The following TAFA3 variants were observed in gnomAD, a reference collection of about 807,000 sequenced individuals.
The protein encoded by TAFA3 is chemokine-like protein TAFA-3.
TAFA3 carries 17 observed loss-of-function variants against 20.7 expected under a neutral mutation model. The ratio of observed to expected loss-of-function variants is 0.82; its 90% CI spans 0.56 to 1.23. TAFA3 has a LOEUF of 1.23. Ranked by LOEUF, TAFA3 falls within the 50% of genes most tolerant of loss-of-function variation. The pLI is 0.00. For synonymous variants in TAFA3, 74 were observed against 71.8 expected (o/e 1.03, Z -0.16); for missense variants, 174 against 172.8 (o/e 1.01, Z -0.04).
rs918696700 is a variant in TAFA3 at position 112,725,057 on chromosome 1, TA to T, written c.390+928del. Among the ~76,000 whole-genome samples, 315 of 151,908 alleles carry T rather than the reference TA, an allele frequency of 2.1e-3. 2 individuals carry two copies. Among genetic ancestry groups the T allele is most frequent in the African/African-American group, 7.0e-3 (289 of 41,416 alleles). On this transcript the variant is annotated intron_variant, in intron 5 of 5. Coordinates refer to ENST00000361886, the MANE Select transcript of TAFA3 (RefSeq NM_182759.3). ...TATACCATAGAATACTACACAGCCA[TA>T]AAAAAAATAATGTTTTCTGTAACAC... is the stretch of plus-strand genomic sequence containing the variant.
chr1:112,725,639 G>T (rs1389742299), intron 5 of TAFA3, among the ~76,000 whole-genome samples: 1 of 150,158 alleles, frequency 6.7e-6, no homozygotes, highest in Admixed American at 6.7e-5. Flanking sequence ...TTATTTTCAT[G>T]GTTTGCTGCC....
At chr1:112,721,764 ACAGACTC>A (rs1675334928) in intron 2 of TAFA3, among the ~76,000 whole-genome samples, 1 of 152,222 alleles carries the variant, frequency 6.6e-6, no homozygotes, top group Admixed American at 6.5e-5. Context: ...CTGCATTTGT[ACAGACTC>A]TTTACGATGT....
At chr1:112,721,449 G>A (rs796573053) in intron 2 of TAFA3, among the ~76,000 whole-genome samples, 2 of 152,150 alleles carry the variant, frequency 1.3e-5, no homozygotes, top group South Asian at 4.1e-4. Flanking sequence ...GAGTAGCTGG[G>A]ACTATAGGTG....
rs1294022150 is a variant in TAFA3, at chr1:112,722,356, G to A, written c.115+8G>A. 5.0e-6 allele frequency: 8 copies of A among 1,610,940 alleles called. No homozygotes were observed. The highest frequency in any genetic ancestry group is 1.3e-5 in the African/African-American group (1 of 74,902). ...AGCCTCCCACTGCCACAGGTTTGGA[G>A]GAGGTGGCAGGGCCCGGGGAGGGAG... On this transcript the variant is annotated splice_region_variant and intron_variant, in intron 3 of 5. Coordinates refer to ENST00000361886, the MANE Select transcript of TAFA3 (RefSeq NM_182759.3).
intron 5 of TAFA3, among the ~76,000 whole-genome samples, chr1:112,724,743 C>A (rs1675419473): frequency 7.1e-6 from 1 of 140,376 alleles, no homozygotes; most frequent in Non-Finnish European, 1.5e-5. Context: ...ATGTAACTAA[C>A]CTGCACAATG....
At chr1:112,719,656 T>TAGGCA (rs1416159006) in intron 1 of TAFA3, among the ~76,000 whole-genome samples, 1 of 151,910 alleles carries the variant, frequency 6.6e-6, no homozygotes, top group Non-Finnish European at 1.5e-5. Context: ...CTAGGAGAGA[T>TAGGCA]GCCTGAGTTG....
At chr1:112,726,595 C>G (rs776828362) in intron 5 of TAFA3, 34 bp from the exon 6 acceptor site, 3 of 1,612,402 alleles carry the variant, frequency 1.9e-6, no homozygotes, top group Non-Finnish European at 2.5e-6. Flanking sequence ...TAGGCATTCC[C>G]TTCTCTAACC....
chr1:112,723,057 C>G lies in TAFA3; in HGVS notation c.157C>G (p.Arg53Gly), dbSNP rs755592073. The G allele has an allele frequency of 1.9e-6, 3 of 1,612,978 alleles. No individual in the cohort carries two copies. Among genetic ancestry groups the G allele is most frequent in the Non-Finnish European group, 8.5e-7 (1 of 1,179,644 alleles). The change falls in exon 4 of 6, where the codon CGC (arginine) becomes GGC (glycine). Residue 53 changes from arginine (R) to glycine (G), a missense_variant. Coordinates refer to ENST00000361886, the MANE Select transcript of TAFA3 (RefSeq NM_182759.3). ...CACCTGCGAGGTGATTGCGGCTCAC[C>G]GCTGCTGCAACCGGAACCGCATCGA... ...QGTCEVIAAH[R>G]CCNRNRIEER... is the part of the protein sequence containing the mutation.
intron 5 of TAFA3, 25 bp downstream of exon 5, chr1:112,724,162 C>A: frequency 6.4e-7 from 1 of 1,553,998 alleles, no homozygotes; most frequent in Non-Finnish European, 8.7e-7. Flanking sequence ...CACCTCATCC[C>A]ACCCTCCCCT....
At position 112,722,289 on chromosome 1, in the gene TAFA3, G is replaced by T. The variant is rs1675347607; in HGVS notation, c.56G>T (p.Cys19Phe). ...ACGGGCGGCTGGCTGCTGGCACTGT[G>T]CCTGGCCTGGCTGTGGACCCACCTG... ...WSTGGWLLAL[C>F]LAWLWTHLTL... The change falls in exon 3 of 6, where the codon TGC becomes TTC. Residue 19 changes from cysteine (C) to phenylalanine (F), a missense_variant. Coordinates refer to ENST00000361886, the MANE Select transcript of TAFA3 (RefSeq NM_182759.3). 1 of 1,613,916 alleles carries T rather than the reference G, an allele frequency of 6.2e-7. No homozygotes were observed.
rs1675374256 is a variant in TAFA3 at position 112,723,242 on chromosome 1, G to A, written c.265+77G>A. The A allele has an allele frequency of 1.4e-5, 21 of 1,500,842 alleles. 1 individual carries two copies. The South Asian group carries it at 2.6e-4, about 18-fold the overall frequency. The allele number at this position is 1,500,842 out of a possible 1,614,324, so 93.0% of individuals were successfully genotyped here. ...GCCTGTTCAGGCCTCGCCATCTGCT[G>A]GGGATACAATTTCATACCCGTCTCA... On this transcript the variant is annotated intron_variant, in intron 4 of 5. Coordinates refer to ENST00000361886, the MANE Select transcript of TAFA3 (RefSeq NM_182759.3).
At position 112,723,032 on chromosome 1, in the gene TAFA3, C is replaced by T. The variant is rs762563255; in HGVS notation, c.132C>T (p.Gly44=). 20 of 1,612,216 alleles carry T rather than the reference C, an allele frequency of 1.2e-5. No individual in the cohort carries two copies. Among genetic ancestry groups the T allele is most frequent in the East Asian group, 2.2e-5 (1 of 44,850 alleles). The part of the protein sequence containing the change: ...PPTATVLVQQ[G]TCEVIAAHRC... ...TCCCCTCAGTGCTTGTGCAGCAGGG[C>T]ACCTGCGAGGTGATTGCGGCTCACC... The change falls in exon 4 of 6, where the codon GGC becomes GGT. Residue 44 remains glycine (G), a synonymous_variant. Coordinates refer to ENST00000361886, the MANE Select transcript of TAFA3 (RefSeq NM_182759.3).
intron 2 of TAFA3, 51 bp from the exon 3 acceptor site, chr1:112,722,174 CCAGGTGCA>C (rs1397604901): frequency 1.4e-5 from 22 of 1,562,776 alleles, no homozygotes; most frequent in East Asian, 6.7e-5. Flanking sequence ...GAGAAGGTGC[CCAGGTGCA>C]CAGGGGAGCT....
chr1:112,725,203 A>G (rs1473358457), intron 5 of TAFA3, among the ~76,000 whole-genome samples: 2 of 152,106 alleles, frequency 1.3e-5, no homozygotes, highest in Non-Finnish European at 2.9e-5. Context: ...AAAGATGGGA[A>G]CAGTGGACGA....
rs1331597938 is a variant in TAFA3 at position 112,719,235 on chromosome 1, C to T, written c.-124C>T. On this transcript the variant is annotated 5_prime_UTR_variant, in exon 1 of 6. Coordinates refer to ENST00000361886, the MANE Select transcript of TAFA3 (RefSeq NM_182759.3). ...AGTCTGTCTTTCGGAGTGCTGGTCCCTGGCTCAGTGGCAAGGAAGACTTCA... is the reference window on the plus strand; with the variant it reads ...AGTCTGTCTTTCGGAGTGCTGGTCCTTGGCTCAGTGGCAAGGAAGACTTCA... Among the ~76,000 whole-genome samples the T allele has an allele frequency of 6.6e-6, 1 of 152,234 alleles. No homozygotes were observed. The highest frequency in any genetic ancestry group is 1.5e-5 in the Non-Finnish European group (1 of 68,036).
At chr1:112,720,037 G>A (rs540353938) in intron 1 of TAFA3, among the ~76,000 whole-genome samples, 1 of 152,180 alleles carries the variant, frequency 6.6e-6, no homozygotes, top group Admixed American at 6.5e-5. Flanking sequence ...GCCTTCAAAG[G>A]CTCAGGGACC....
Position 112,719,022 on chromosome 1 carries a change from G to C in TAFA3, c.-337G>C, listed in dbSNP as rs1164600415. ...CCCCGGCCTGCCGGCAGGAACCTTG[G>C]AAAAAACCCGGCTGAGTTCTGCAGA... On this transcript the variant is annotated 5_prime_UTR_variant, in exon 1 of 6. Coordinates refer to ENST00000361886, the MANE Select transcript of TAFA3 (RefSeq NM_182759.3). 6.6e-6 allele frequency among the ~76,000 whole-genome samples: 1 copy of C among 152,216 alleles called. No homozygotes were observed.
rs1325184876 is a variant in TAFA3, at chr1:112,723,103, A to C, written c.203A>C (p.Lys68Thr). ...NRIEERSQTV[K>T]CSCFSGQVAG... Reference sequence around the variant, plus strand: ...ATCGAGGAGCGCTCCCAGACGGTGAAATGCTCCTGTTTTTCTGGCCAGGTG... The same window carrying C: ...ATCGAGGAGCGCTCCCAGACGGTGACATGCTCCTGTTTTTCTGGCCAGGTG... Residue 68 changes from lysine to threonine, a missense_variant, in exon 4 of 6, where the codon AAA becomes ACA. Lys to Thr is a moderately conservative substitution (Grantham distance 78). Coordinates refer to ENST00000361886, the MANE Select transcript of TAFA3 (RefSeq NM_182759.3). The C allele has an allele frequency of 3.1e-6, 5 of 1,613,102 alleles. No individual in the cohort carries two copies. The highest frequency in any genetic ancestry group is 1.6e-4 in the Middle Eastern group (1 of 6,072).
At position 112,719,229 on chromosome 1, in the gene TAFA3, T is replaced by C. The variant is rs921446021; in HGVS notation, c.-130T>C. On this transcript the variant is annotated 5_prime_UTR_variant, in exon 1 of 6. Coordinates refer to ENST00000361886, the MANE Select transcript of TAFA3 (RefSeq NM_182759.3). ...TCCCAAAGTCTGTCTTTCGGAGTGC[T>C]GGTCCCTGGCTCAGTGGCAAGGAAG... is the stretch of plus-strand genomic sequence containing the variant. Among the ~76,000 whole-genome samples the C allele has an allele frequency of 3.9e-5, 6 of 152,222 alleles. No homozygotes were observed. Among genetic ancestry groups the C allele is most frequent in the African/African-American group, 7.2e-5 (3 of 41,460 alleles).
Sources: gnomAD v4.1 joint callset for allele counts (sites outside exome capture counted in the v4.1 genomes callset) on GRCh38, gnomAD v4.1.1 for gene constraint, MANE v1.5 for transcripts, NCBI Gene and HGNC (gene_info 2026-07-23, HGNC 2026-07-21) for gene names.